NEK11: variants seen among roughly 807,000 people sequenced by gnomAD.
The protein encoded by NEK11 is serine/threonine-protein kinase Nek11.
A neutral mutation model predicts 80.7 loss-of-function variants in NEK11; 72 were observed. The observed-to-expected ratio is 0.89, with a 90% CI of 0.74 to 1.08. The LOEUF is 1.08. Among genes scored for constraint, NEK11 ranks in the 50% least tolerant of loss-of-function variants. The pLI is 0.00. For missense variants in NEK11, 764 were observed against 763.6 expected, an observed-to-expected ratio of 1.00 and a Z score of -0.01; for synonymous variants, 251 against 260.7, an observed-to-expected ratio of 0.96 and a Z score of 0.36.
chr3:131,029,388 A>C (rs530028034), intron 2 of NEK11, among the ~76,000 whole-genome samples: 1 of 152,376 alleles, frequency 6.6e-6, no homozygotes, highest in East Asian at 1.9e-4. Context: ...AAAGTTGGCT[A>C]TAATTCACTT....
chr3:131,336,064 A>G (rs1195457110), intron 17 of NEK11, among the ~76,000 whole-genome samples: 1 of 152,244 alleles, frequency 6.6e-6, no homozygotes, highest in Non-Finnish European at 1.5e-5. Flanking sequence ...TATAGATTCA[A>G]TGCCATCCCC....
Position 131,219,271 on chromosome 3 carries a change from T to C in NEK11, c.1400-9257T>C, listed in dbSNP as rs190403532. 2.9e-3 allele frequency among the ~76,000 whole-genome samples: 434 copies of C among 152,234 alleles called. 3 individuals carry two copies. Among genetic ancestry groups the C allele is most frequent in the East Asian group, 0.013 (68 of 5,180 alleles). On this transcript the variant is annotated intron_variant, in intron 14 of 17. Coordinates refer to ENST00000383366, the MANE Select transcript of NEK11 (RefSeq NM_024800.5). ...ACATGGATGAAGCTAGAAACCATCA[T>C]TCTCAGCAAACTAACACAAGAACAG... is the stretch of plus-strand genomic sequence containing the variant.
intron 3 of NEK11, among the ~76,000 whole-genome samples, chr3:131,038,737 A>G (rs2066011559): frequency 6.6e-6 from 1 of 152,240 alleles, no homozygotes; most frequent in Non-Finnish European, 1.5e-5. Flanking sequence ...TATTTAAAAT[A>G]TTACAGCCGT....
At chr3:131,198,645 C>T (rs2094116726) in intron 14 of NEK11, among the ~76,000 whole-genome samples, 1 of 152,202 alleles carries the variant, frequency 6.6e-6, no homozygotes, top group African/African-American at 2.4e-5. Flanking sequence ...TTTCCTTACT[C>T]AGGTATGCCA....
chr3:131,227,989 C>T (rs1467032142), intron 14 of NEK11, among the ~76,000 whole-genome samples: 1 of 152,062 alleles, frequency 6.6e-6, no homozygotes, highest in Non-Finnish European at 1.5e-5. Context: ...CCATCATTAC[C>T]TGTTAGAAAA....
At chr3:131,284,392 G>A (rs2096444918) in intron 17 of NEK11, among the ~76,000 whole-genome samples, 1 of 152,144 alleles carries the variant, frequency 6.6e-6, no homozygotes, top group Non-Finnish European at 1.5e-5. Context: ...ACTCTTGGGT[G>A]CTGTGATGAT....
intron 14 of NEK11, among the ~76,000 whole-genome samples, chr3:131,224,234 C>CT (rs112866610): frequency 1.0e-3 from 152 of 147,664 alleles, no homozygotes; most frequent in African/African-American, 2.7e-3. Flanking sequence ...ATTTACTATA[C>CT]TTTTTTTTTT....
chr3:131,237,668 T>C (rs1278628491), intron 15 of NEK11, among the ~76,000 whole-genome samples: 2 of 152,132 alleles, frequency 1.3e-5, no homozygotes, highest in African/African-American at 4.8e-5. Context: ...CCAGTCTGCC[T>C]GGGAGTAGGG....
intron 17 of NEK11, among the ~76,000 whole-genome samples, chr3:131,332,219 G>A (rs761496785): frequency 6.6e-6 from 1 of 152,254 alleles, no homozygotes; most frequent in Non-Finnish European, 1.5e-5. Flanking sequence ...GCACCCCCCA[G>A]TAGGGGCACA....
chr3:131,057,769 T>C (rs1159785141), intron 3 of NEK11, among the ~76,000 whole-genome samples: 2 of 151,198 alleles, frequency 1.3e-5, no homozygotes, highest in African/African-American at 4.8e-5. Context: ...TTTGAGTTCA[T>C]TGTAGATTCT....
chr3:131,260,251 G>A (rs1485966549), intron 16 of NEK11, among the ~76,000 whole-genome samples: 3 of 152,036 alleles, frequency 2.0e-5, no homozygotes, highest in South Asian at 4.1e-4. Context: ...TCTATGGGAT[G>A]TTAGAGCACT....
At chr3:131,216,673 A>C (rs1011637947) in intron 14 of NEK11, among the ~76,000 whole-genome samples, 15 of 151,906 alleles carry the variant, frequency 9.9e-5, no homozygotes, top group African/African-American at 3.6e-4. Flanking sequence ...AGATGATTGC[A>C]GACCTGAGTG....
rs1446756243 is a variant in NEK11, at chr3:131,243,404, G to A, written c.1561-32G>A. The A allele has an allele frequency of 1.4e-5, 23 of 1,600,762 alleles. No individual in the cohort carries two copies. In the South Asian group the frequency reaches 1.6e-4, roughly 11 times the overall value. ...TATTAAGTATCCTTCTACCATACAG[G>A]GAAAATAAACATTTCTCCCTTATTT... is the stretch of plus-strand genomic sequence containing the variant. On this transcript the variant is annotated intron_variant, in intron 15 of 17. Coordinates refer to ENST00000383366, the MANE Select transcript of NEK11 (RefSeq NM_024800.5).
intron 14 of NEK11, among the ~76,000 whole-genome samples, chr3:131,215,092 T>G (rs1561013418): frequency 6.6e-6 from 1 of 152,134 alleles, no homozygotes; most frequent in Non-Finnish European, 1.5e-5. Context: ...TTGTTTGTAT[T>G]TGAGGTTCAG....
At chr3:131,303,542 G>C (rs2096685896) in intron 17 of NEK11, among the ~76,000 whole-genome samples, 1 of 152,148 alleles carries the variant, frequency 6.6e-6, no homozygotes, top group South Asian at 2.1e-4. Context: ...AATTTCCTTA[G>C]AATTTGCTTG....
intron 7 of NEK11, among the ~76,000 whole-genome samples, chr3:131,147,163 T>G (rs1181646317): frequency 6.6e-6 from 1 of 152,128 alleles, no homozygotes; most frequent in Non-Finnish European, 1.5e-5. Flanking sequence ...CTTCTCCTGT[T>G]TTCTTTTAAA....
At chr3:131,334,006 C>T (rs2097139225) in intron 17 of NEK11, among the ~76,000 whole-genome samples, 1 of 152,076 alleles carries the variant, frequency 6.6e-6, no homozygotes, top group African/African-American at 2.4e-5. Flanking sequence ...TAGACTCCCA[C>T]ACAATAATAA....
intron 3 of NEK11, among the ~76,000 whole-genome samples, chr3:131,039,110 A>G (rs1485991968): frequency 1.3e-5 from 2 of 152,254 alleles, no homozygotes; most frequent in Non-Finnish European, 2.9e-5. Flanking sequence ...TTCAATAAAT[A>G]AAGTATTTTA....
At chr3:131,132,311 AG>A (rs1288103997) in intron 5 of NEK11, among the ~76,000 whole-genome samples, 1 of 152,052 alleles carries the variant, frequency 6.6e-6, no homozygotes, top group Non-Finnish European at 1.5e-5. Flanking sequence ...ACTTATAGTC[AG>A]ATTTAATAAA....
Sources: gnomAD v4.1 joint callset for allele counts (sites outside exome capture counted in the v4.1 genomes callset) on GRCh38, gnomAD v4.1.1 for gene constraint, MANE v1.5 for transcripts, NCBI Gene and HGNC (gene_info 2026-07-23, HGNC 2026-07-21) for gene names.